RAD51B: variants seen among roughly 807,000 people sequenced by gnomAD.
RAD51B encodes the protein RAD51 paralog B.
A neutral mutation model predicts 42.2 loss-of-function variants in RAD51B; 38 were observed. That is an observed-to-expected ratio of 0.90 (90% CI 0.70 to 1.18). RAD51B has a LOEUF of 1.18. RAD51B is among the 50% of genes most tolerant of loss of function. The pLI, the probability that RAD51B is intolerant of heterozygous loss-of-function variation, is 0.00. For missense variants in RAD51B, 373 were observed against 400.7 expected (o/e 0.93, Z 0.59); for synonymous variants, 154 against 145.2 (o/e 1.06, Z -0.43).
intron 9 of RAD51B, among the ~76,000 whole-genome samples, chr14:68,453,121 A>G (rs1321913965): frequency 6.6e-6 from 1 of 152,198 alleles, no homozygotes; most frequent in Non-Finnish European, 1.5e-5. Context: ...TTACTAAATC[A>G]CTACCTAATT....
At chr14:68,215,638 A>G (rs2079799539) in intron 7 of RAD51B, among the ~76,000 whole-genome samples, 1 of 152,204 alleles carries the variant, frequency 6.6e-6, no homozygotes, top group African/African-American at 2.4e-5. Flanking sequence ...TCTGAAATCC[A>G]TACTCTTAAG....
Position 68,301,039 on chromosome 14 carries a change from G to A in RAD51B, c.853+9059G>A, listed in dbSNP as rs148436204. On this transcript the variant is annotated intron_variant, in intron 8 of 10. Coordinates refer to ENST00000471583, the MANE Select transcript of RAD51B (RefSeq NM_133510.4). ...TGAGTTTTGTGGGTTAAAAGCAAAT[G>A]TATATGTGTATATGTGCAGTGTATG... Among the ~76,000 whole-genome samples, 84 of 152,294 alleles carry A rather than the reference G, an allele frequency of 5.5e-4. 1 individual carries two copies. Among genetic ancestry groups the A allele is most frequent in the Middle Eastern group, 6.8e-3 (2 of 294 alleles).
chr14:67,886,044 C>T, intron 6 of RAD51B, 56 bp downstream of exon 6: 1 of 1,354,168 alleles, frequency 7.4e-7, no homozygotes, highest in Non-Finnish European at 9.9e-7. Flanking sequence ...TATGTTTTAT[C>T]TTTTATGTTT....
chr14:68,477,220 T>A (rs1272855912), intron 10 of RAD51B, among the ~76,000 whole-genome samples: 2 of 152,186 alleles, frequency 1.3e-5, no homozygotes, highest in African/African-American at 4.8e-5. Flanking sequence ...ATAGTGGAAG[T>A]ATTGGGCATT....
intron 10 of RAD51B, among the ~76,000 whole-genome samples, chr14:68,530,308 A>G (rs897924904): frequency 6.6e-6 from 1 of 151,856 alleles, no homozygotes; most frequent in African/African-American, 2.4e-5. Context: ...AATGCCAGTC[A>G]TAATGGCATG....
intron 7 of RAD51B, among the ~76,000 whole-genome samples, chr14:68,277,728 T>C (rs2081251103): frequency 6.6e-6 from 1 of 152,110 alleles, no homozygotes; most frequent in South Asian, 2.1e-4. Flanking sequence ...ATCAGAGGTA[T>C]GTTCTGGGGG....
intron 10 of RAD51B, among the ~76,000 whole-genome samples, chr14:68,584,294 A>G (rs367715728): frequency 2.8e-4 from 43 of 151,922 alleles, no homozygotes; most frequent in African/African-American, 1.0e-3. Flanking sequence ...GCCGGAATCT[A>G]GGACCTCCTT....
At chr14:68,162,870 T>C (rs1246987968) in intron 7 of RAD51B, among the ~76,000 whole-genome samples, 1 of 152,206 alleles carries the variant, frequency 6.6e-6, no homozygotes, top group African/African-American at 2.4e-5. Flanking sequence ...AGGGATTTAA[T>C]GTACTAAAAA....
At chr14:68,192,520 T>C (rs2079287359) in intron 7 of RAD51B, among the ~76,000 whole-genome samples, 2 of 152,208 alleles carry the variant, frequency 1.3e-5, no homozygotes, top group African/African-American at 4.8e-5. Context: ...ACAATGTCTT[T>C]TAATTGGTGC....
chr14:68,659,539 A>G (rs986810790), intron 11 of RAD51B, among the ~76,000 whole-genome samples: 2 of 152,232 alleles, frequency 1.3e-5, no homozygotes, highest in African/African-American at 2.4e-5. Flanking sequence ...GGGCCTGCAG[A>G]GGGCAGGAAA....
At chr14:68,641,043 T>A (rs1892449672) in intron 10 of RAD51B, among the ~76,000 whole-genome samples, 1 of 152,248 alleles carries the variant, frequency 6.6e-6, no homozygotes, top group Non-Finnish European at 1.5e-5. Flanking sequence ...AGCAAGAGAC[T>A]GATTATGGTC....
At chr14:67,904,798 A>G (rs2043728729) in intron 7 of RAD51B, among the ~76,000 whole-genome samples, 1 of 151,818 alleles carries the variant, frequency 6.6e-6, no homozygotes, top group African/African-American at 2.4e-5. Context: ...CAAATTCTCT[A>G]TAGATTCTGG....
intron 7 of RAD51B, among the ~76,000 whole-genome samples, chr14:68,278,652 C>T (rs903777852): frequency 6.6e-6 from 1 of 152,166 alleles, no homozygotes; most frequent in African/African-American, 2.4e-5. Context: ...GCTGAAAGAG[C>T]CAGTTACATT....
intron 7 of RAD51B, among the ~76,000 whole-genome samples, chr14:68,091,499 T>C (rs1404285283): frequency 6.6e-6 from 1 of 152,252 alleles, no homozygotes; most frequent in East Asian, 1.9e-4. Context: ...ATAAATGTCT[T>C]CTTTTGAGAA....
intron 10 of RAD51B, among the ~76,000 whole-genome samples, chr14:68,520,567 C>A (rs548424204): frequency 5.3e-5 from 8 of 152,222 alleles, no homozygotes; most frequent in Non-Finnish European, 1.2e-4. Context: ...AGGAAGAAAC[C>A]AAATAGCTCC....
At chr14:68,170,669 T>G (rs2078854428) in intron 7 of RAD51B, among the ~76,000 whole-genome samples, 1 of 152,344 alleles carries the variant, frequency 6.6e-6, no homozygotes, top group African/African-American at 2.4e-5. Context: ...TTTTACTTAT[T>G]TTATCATCTC....
At chr14:68,075,106 A>G (rs1435612913) in intron 7 of RAD51B, among the ~76,000 whole-genome samples, 1 of 152,146 alleles carries the variant, frequency 6.6e-6, no homozygotes, top group Non-Finnish European at 1.5e-5. Context: ...TTGAGGCTCC[A>G]CCCCAGAGAA....
chr14:68,463,585 G>A (rs2085901203), intron 9 of RAD51B, among the ~76,000 whole-genome samples: 1 of 151,256 alleles, frequency 6.6e-6, no homozygotes, highest in Non-Finnish European at 1.5e-5. Flanking sequence ...TATAATACTA[G>A]CATATGACAG....
intron 10 of RAD51B, among the ~76,000 whole-genome samples, chr14:68,603,087 G>A (rs57574001): frequency 2.6e-5 from 4 of 152,246 alleles, no homozygotes; most frequent in South Asian, 2.1e-4. Context: ...CTGCCCTTAC[G>A]TGTTCCTCTC....
Sources: allele counts gnomAD v4.1 joint callset (sites outside exome capture counted in the v4.1 genomes callset), GRCh38; gene constraint gnomAD v4.1.1; transcripts MANE v1.5; gene names NCBI Gene and HGNC (gene_info 2026-07-23, HGNC 2026-07-21).